The following TSC1 variants were observed in gnomAD, a reference collection of about 807,000 sequenced individuals.
TSC1 encodes the protein TSC complex subunit 1.
In TSC1, 20 loss-of-function variants were observed where a neutral mutation model predicts 124.3. The observed-to-expected ratio is 0.16, with a 90% CI of 0.11 to 0.23. The LOEUF is 0.23. TSC1 is among the 10% of genes least tolerant of loss of function. The pLI is 1.00. For missense variants in TSC1, 1,124 were observed against 1,448.5 expected, an observed-to-expected ratio of 0.78 and a Z score of 3.64; for synonymous variants, 493 against 539.1, an observed-to-expected ratio of 0.91 and a Z score of 1.19.
At chr9:132,909,805 A>G (rs1329128311) in intron 12 of TSC1, 1 of 152,258 alleles carries the variant, frequency 6.6e-6, no homozygotes, top group African/African-American at 2.4e-5. Context: ...AGAACACTCA[A>G]CTTTTAAAAT....
rs2131879761 is a variant in TSC1, at chr9:132,907,322, G to A, written c.1312C>T (p.Leu438Phe). 6.2e-7 allele frequency: 1 copy of A among 1,614,110 alleles called. No individual in the cohort carries two copies. Among genetic ancestry groups the A allele is most frequent in the Non-Finnish European group, 8.5e-7 (1 of 1,179,958 alleles). The change falls in exon 13 of 23, where the codon CTT becomes TTT. Residue 438 changes from leucine (L) to phenylalanine (F), a missense_variant. This residue lies in a region of TSC1 where 463 missense variants were observed against 606.8 expected (regional missense o/e 0.76). Transcript: ENST00000298552. Reference sequence around the variant, plus strand: ...TTACCTGATCCTCTGTCATTCAGAAGATGGTGTTGTCTGTGTAGACATGGT... The same window carrying A: ...TTACCTGATCCTCTGTCATTCAGAAAATGGTGTTGTCTGTGTAGACATGGT... ...ARPCLHRQHH[L>F]LNDRGSEEPP...
In TSC1 at chr9:132,901,655, T is replaced by C. The variant is rs2131707191; in HGVS notation, c.2436A>G (p.Ile812Met). The change falls in exon 19 of 23, where the codon ATA (isoleucine) becomes ATG (methionine). Residue 812 changes from isoleucine (I) to methionine (M), a missense_variant. Ile to Met is a conservative substitution (Grantham distance 10). Coordinates refer to ENST00000298552, the MANE Select transcript of TSC1 (RefSeq NM_000368.5). The part of the protein sequence containing the change: ...DCRNMIAELR[I>M]ELKKANNKVC... The stretch of plus-strand genomic sequence containing the variant: ...CCTTGTTGTTGGCCTTCTTCAGTTC[T>C]ATCCGCAGCTCCGCAATCATGTTCC... The C allele has an allele frequency of 6.2e-7, 1 of 1,614,164 alleles. No homozygotes were observed. Among genetic ancestry groups the C allele is most frequent in the South Asian group, 1.1e-5 (1 of 91,082 alleles).
rs1402148151 is a variant in TSC1 at position 132,906,902 on chromosome 9, T to C, written c.1334-67A>G. On this transcript the variant is annotated intron_variant, in intron 13 of 22. Transcript: ENST00000298552. This position sits in a 1 kb window ranked among gnomAD's most constrained non-coding sequence, Gnocchi z 4.1. ...GTAATCCCTGTAAGTGTAAAACTGC[T>C]TACACTGTATAGAATATGTCTGTAA... 7.3e-6 allele frequency: 9 copies of C among 1,227,704 alleles called. No homozygotes were observed. The highest frequency in any genetic ancestry group is 9.6e-6 in the Non-Finnish European group (8 of 835,316). 76.1% of individuals were successfully genotyped at this position (1,227,704 alleles called of 1,614,324 possible).
chr9:132,942,030 C>T (rs190864404), intron 1 of TSC1: 1 of 152,252 alleles, frequency 6.6e-6, no homozygotes, highest in African/African-American at 2.4e-5. Flanking sequence ...TCAAGAATAT[C>T]CAATTAATTC....
rs751398082 is a variant in TSC1 at position 132,896,322 on chromosome 9, A to T, written c.3408T>A (p.Asp1136Glu). Residue 1136 changes from aspartate (D) to glutamate (E), a missense_variant, in exon 23 of 23, where the codon GAT (aspartate) becomes GAA (glutamate). Physicochemically the swap from Asp to Glu is conservative, Grantham distance 45. Around this residue, in one of 5 missense-constraint regions of TSC1, gnomAD observed 325 missense variants for 383.4 expected, o/e 0.85. Coordinates refer to ENST00000298552, the MANE Select transcript of TSC1 (RefSeq NM_000368.5). The surrounding 1 kb of genome is among the most constrained non-coding windows in gnomAD (Gnocchi z 4.5). ...GVEAKIPLNL[D>E]GPHPSPPTPD... is the part of the protein sequence containing the mutation. Reference sequence around the variant, plus strand: ...GGGTCGGGGGAGACGGGTGAGGGCCATCTAGGTTCAGGGGAATCTTGGCTT... The same window carrying T: ...GGGTCGGGGGAGACGGGTGAGGGCCTTCTAGGTTCAGGGGAATCTTGGCTT... 3.4e-5 allele frequency: 55 copies of T among 1,614,062 alleles called. No individual in the cohort carries two copies. The highest frequency in any genetic ancestry group is 4.2e-5 in the Non-Finnish European group (50 of 1,180,038).
intron 20 of TSC1, among the ~76,000 whole-genome samples, chr9:132,897,946 T>C (rs1363624512): frequency 6.6e-6 from 1 of 152,208 alleles, no homozygotes; most frequent in Non-Finnish European, 1.5e-5. Context: ...CATCCTATAT[T>C]TCTAAGTCTT....
At chr9:132,930,222 G>A (rs573764489) in intron 2 of TSC1, among the ~76,000 whole-genome samples, 34 of 152,226 alleles carry the variant, frequency 2.2e-4, no homozygotes, top group Admixed American at 3.3e-4. Flanking sequence ...AATTCTTAAA[G>A]TGAGACACAA....
rs1057521710 is a variant in TSC1 at position 132,897,180 on chromosome 9, C to T, written c.2975+4G>A. On this transcript the variant is annotated splice_donor_region_variant and intron_variant, in intron 22 of 22. Transcript: ENST00000298552. ...AAGGTCATGAATCAGTTCTTTGTTCCTACCTTTCTTCTGCTGCTTCAGCTG... is the reference window on the plus strand; with the variant it reads ...AAGGTCATGAATCAGTTCTTTGTTCTTACCTTTCTTCTGCTGCTTCAGCTG... 1 of 1,614,040 alleles carries T rather than the reference C, an allele frequency of 6.2e-7. No individual in the cohort carries two copies. Among genetic ancestry groups the T allele is most frequent in the Non-Finnish European group, 8.5e-7 (1 of 1,180,034 alleles).
At position 132,902,550 on chromosome 9, in the gene TSC1, C is replaced by A; in HGVS notation, c.2391+55G>T. On this transcript the variant is annotated intron_variant, in intron 18 of 22. Transcript: ENST00000298552. This position sits in a 1 kb window ranked among gnomAD's most constrained non-coding sequence, Gnocchi z 5.2. ...CCCAGGGAAACTGACTGCCTCCCTC[C>A]CCACTGCTCTCCGGCATTCTCGCAG... The A allele has an allele frequency of 6.2e-7, 1 of 1,606,946 alleles. No homozygotes were observed. The highest frequency in any genetic ancestry group is 8.5e-7 in the Non-Finnish European group (1 of 1,174,914).
rs1468819254 is a variant in TSC1 at position 132,912,277 on chromosome 9, T to C, written c.913+5A>G. ...AAACAGATAAGTACCAAAGACACTT[T>C]TTACCATAGCTATTCTGTGTGTCAG... is the stretch of plus-strand genomic sequence containing the variant. On this transcript the variant is annotated splice_donor_5th_base_variant and intron_variant, in intron 9 of 22. Coordinates refer to ENST00000298552, the MANE Select transcript of TSC1 (RefSeq NM_000368.5). 1.2e-6 allele frequency: 2 copies of C among 1,614,048 alleles called. No homozygotes were observed. Among genetic ancestry groups the C allele is most frequent in the Admixed American group, 1.7e-5 (1 of 60,014 alleles).
chr9:132,943,760 C>T (rs561744931), intron 1 of TSC1: 1 of 152,274 alleles, frequency 6.6e-6, no homozygotes, highest in Admixed American at 6.5e-5. Flanking sequence ...AGGAGGACCG[C>T]GTCCCCTCCC....
At chr9:132,941,425 T>C (rs976338820) in intron 1 of TSC1, 1 of 152,188 alleles carries the variant, frequency 6.6e-6, no homozygotes, top group Non-Finnish European at 1.5e-5. Flanking sequence ...TTTACCTCTT[T>C]CAGATGAATT....
chr9:132,943,670 C>T (rs1213583942), intron 1 of TSC1: 1 of 152,082 alleles, frequency 6.6e-6, no homozygotes, highest in African/African-American at 2.4e-5. Context: ...TCGTGAGGAC[C>T]AAAGGAGATA....
chr9:132,925,632 C>T lies in TSC1; in HGVS notation c.318G>A (p.Lys106=). The T allele has an allele frequency of 1.2e-6, 2 of 1,614,232 alleles. No individual in the cohort carries two copies. Among genetic ancestry groups the T allele is most frequent in the Non-Finnish European group, 1.7e-6 (2 of 1,180,052 alleles). Residue 106 remains lysine, a synonymous_variant, in exon 5 of 23, where the codon AAG becomes AAA. Transcript: ENST00000298552. ...VIRLQPSWKH[K]LSQAPLLPSL... Reference sequence around the variant, plus strand: ...AAGGCAAAAGAGGTGCTTGAGAGAGCTTATGCTTCCAAGATGGCTGCAGTC... The same window carrying T: ...AAGGCAAAAGAGGTGCTTGAGAGAGTTTATGCTTCCAAGATGGCTGCAGTC...
rs553458324 is a variant in TSC1 at position 132,920,250 on chromosome 9, A to C, written c.737+1113T>G. Among the ~76,000 whole-genome samples the C allele has an allele frequency of 2.6e-5, 4 of 152,318 alleles. No homozygotes were observed. The East Asian group carries it at 7.7e-4, about 29-fold the overall frequency. On this transcript the variant is annotated intron_variant, in intron 8 of 22. Coordinates refer to ENST00000298552, the MANE Select transcript of TSC1 (RefSeq NM_000368.5). ...TGGAAACCTTCAACTACTAGTGACA[A>C]GACTGCCCTTCTCTTAACCAGGCTT...
At chr9:132,910,777 C>T (rs1845914234) in intron 11 of TSC1, 85 bp from the exon 12 acceptor site, 3 of 1,586,904 alleles carry the variant, frequency 1.9e-6, no homozygotes, top group Non-Finnish European at 2.6e-6. Context: ...ATAACTATTA[C>T]TATAAATAAA....
Position 132,891,813 on chromosome 9 carries a change from G to A in TSC1, c.*4422C>T, listed in dbSNP as rs1346216170. 4.3e-6 allele frequency: 1 copy of A among 233,512 alleles called. No homozygotes were observed. Among genetic ancestry groups the A allele is most frequent in the African/African-American group, 2.2e-5 (1 of 45,318 alleles). The allele number at this position is 233,512 out of a possible 1,614,324, so 14.5% of individuals were successfully genotyped here. A position where few individuals can be genotyped will look rare whatever the true frequency, so the allele number is the denominator to read the frequency against. ...GTGGCTGCCTCTTTCATAAGCCAAAGTACTTGCTACACAGAGCAGCACCAT... is the reference window on the plus strand; with the variant it reads ...GTGGCTGCCTCTTTCATAAGCCAAAATACTTGCTACACAGAGCAGCACCAT... On this transcript the variant is annotated 3_prime_UTR_variant, in exon 23 of 23. Transcript: ENST00000298552.
chr9:132,896,744 A>C lies in TSC1; in HGVS notation c.2986T>G (p.Cys996Gly), dbSNP rs1554813029. Residue 996 changes from cysteine (C) to glycine (G), a missense_variant, in exon 23 of 23, where the codon TGT becomes GGT. This residue lies in a region of TSC1 where 325 missense variants were observed against 383.4 expected (regional missense o/e 0.85). Coordinates refer to ENST00000298552, the MANE Select transcript of TSC1 (RefSeq NM_000368.5). The surrounding 1 kb of genome is among the most constrained non-coding windows in gnomAD (Gnocchi z 4.5). Reference sequence around the variant, plus strand: ...ATGGAATCTGAGCACCCGTCATTACAACAGTCAAGCCTGTAAGAAAGCCGG... The same window carrying C: ...ATGGAATCTGAGCACCCGTCATTACCACAGTCAAGCCTGTAAGAAAGCCGG... ...AEAAEERLDC[C>G]NDGCSDSMVG... The C allele has an allele frequency of 4.3e-6, 7 of 1,613,682 alleles. No homozygotes were observed. The highest frequency in any genetic ancestry group is 5.1e-6 in the Non-Finnish European group (6 of 1,180,044).
chr9:132,913,880 TG>T (rs1285371754), intron 8 of TSC1, among the ~76,000 whole-genome samples: 3 of 99,350 alleles, frequency 3.0e-5, no homozygotes, highest in African/African-American at 6.5e-5. Flanking sequence ...ATGGGTTTTT[TG>T]TTTTGTTTTG....
Sources: allele counts gnomAD v4.1 joint callset (sites outside exome capture counted in the v4.1 genomes callset), GRCh38; gene constraint gnomAD v4.1.1; regional missense constraint gnomAD v4.1.1; non-coding constraint Gnocchi (gnomAD v3.1); transcripts MANE v1.5; gene names NCBI Gene and HGNC (gene_info 2026-07-23, HGNC 2026-07-21).